RBFOX1: variants seen among roughly 807,000 people sequenced by gnomAD.
RBFOX1 encodes the protein RNA binding protein fox-1 homolog 1.
A neutral mutation model predicts 57.7 loss-of-function variants in RBFOX1; 8 were observed. The observed-to-expected ratio is 0.14, with a 90% CI of 0.08 to 0.25. The LOEUF (loss-of-function observed/expected upper bound fraction) is 0.25, where lower values mean the gene tolerates loss of function less well. Among genes scored for constraint, RBFOX1 ranks in the 10% least tolerant of loss-of-function variants. RBFOX1 has a pLI of 1.00. For missense variants in RBFOX1, 611 were observed against 548.5 expected, an observed-to-expected ratio of 1.11 and a Z score of -1.14; for synonymous variants, 326 against 222.4, an observed-to-expected ratio of 1.47 and a Z score of -4.15.
At chr16:5,268,422 G>A (rs1040582403) in intron 1 of RBFOX1, among the ~76,000 whole-genome samples, 1 of 152,224 alleles carries the variant, frequency 6.6e-6, no homozygotes. Flanking sequence ...TTAGTCAAGA[G>A]TTAGGATTTC....
At chr16:6,890,696 T>A (rs567346320) in intron 3 of RBFOX1, among the ~76,000 whole-genome samples, 5 of 152,348 alleles carry the variant, frequency 3.3e-5, no homozygotes, top group African/African-American at 1.2e-4. Context: ...TTCCTGGGAT[T>A]TCCGTATGAA....
chr16:7,519,859 A>T, intron 5 of RBFOX1: 1 of 426,262 alleles, frequency 2.3e-6, no homozygotes. Flanking sequence ...ATTCATTTGG[A>T]GGCTAGTTTT....
At position 5,252,991 on chromosome 16, in the gene RBFOX1, G is replaced by GC. The variant is rs145399435; in HGVS notation, c.219+12888dup. Among the ~76,000 whole-genome samples, 288 of 152,274 alleles carry GC rather than the reference G, an allele frequency of 1.9e-3. 3 individuals are homozygous for GC. Among genetic ancestry groups the GC allele is most frequent in the East Asian group, 0.018 (94 of 5,180 alleles). ...CGCAGCCAATTGTCTTGGATCCACC[G>GC]CCGGTGTGCCTGATTCATCAGCGTG... On this transcript the variant is annotated intron_variant, in intron 1 of 2. Coordinates refer to the RBFOX1 transcript ENST00000585867.
intron 3 of RBFOX1, among the ~76,000 whole-genome samples, chr16:6,788,258 C>T (rs1208542165): frequency 6.6e-6 from 1 of 152,008 alleles, no homozygotes; most frequent in African/African-American, 2.4e-5. Flanking sequence ...ATGAGGTCTG[C>T]TGCATCATAC....
chr16:7,062,922 T>A (rs1164715514), intron 4 of RBFOX1, among the ~76,000 whole-genome samples: 5 of 120,504 alleles, frequency 4.1e-5, no homozygotes, highest in African/African-American at 1.4e-4. Flanking sequence ...TTTTTTTTTT[T>A]TTTTTTGCTG....
chr16:6,899,057 T>G (rs183047677), intron 3 of RBFOX1, among the ~76,000 whole-genome samples: 1 of 151,200 alleles, frequency 6.6e-6, no homozygotes, highest in Non-Finnish European at 1.5e-5. Flanking sequence ...TGTGTATGTA[T>G]AATACATGTA....
At chr16:5,651,388 A>C (rs1421676334) in intron 3 of RBFOX1, among the ~76,000 whole-genome samples, 1 of 152,064 alleles carries the variant, frequency 6.6e-6, no homozygotes, top group African/African-American at 2.4e-5. Flanking sequence ...TTCCTGGAGC[A>C]ACCTGCAGAA....
chr16:5,454,853 CT>C lies in RBFOX1; in HGVS notation c.220-12359del, dbSNP rs1387254664. On this transcript the variant is annotated intron_variant, in intron 1 of 2. Coordinates refer to the RBFOX1 transcript ENST00000585867. ...CTTGCTTTCTTTCCTTTCTTTCTTT[CT>C]TTTCTTTCTTTCTTTCTTTCTTTCT... 3.7e-3 allele frequency among the ~76,000 whole-genome samples: 238 copies of C among 64,932 alleles called. 1 individual carries two copies. The highest frequency in any genetic ancestry group is 4.8e-3 in the African/African-American group (67 of 14,070). 42.6% of individuals were successfully genotyped at this position (64,932 alleles called of 152,430 possible).
chr16:6,483,079 C>A, intron 2 of RBFOX1: 2 of 960,326 alleles, frequency 2.1e-6, no homozygotes, highest in Non-Finnish European at 2.5e-6. Context: ...TTTGCAAGTG[C>A]CTCCGACCCG....
chr16:7,205,784 G>C (rs28366469), intron 4 of RBFOX1, among the ~76,000 whole-genome samples: 6,465 of 152,328 alleles, frequency 0.042, 438 homozygotes, highest in African/African-American at 0.15. Flanking sequence ...AGGGACTGCA[G>C]TGATTATCTG....
At chr16:6,204,914 G>C (rs2097243963) in intron 1 of RBFOX1, among the ~76,000 whole-genome samples, 1 of 152,104 alleles carries the variant, frequency 6.6e-6, no homozygotes, top group African/African-American at 2.4e-5. Flanking sequence ...ACACGATTAA[G>C]TTTTGACCCC....
intron 3 of RBFOX1, among the ~76,000 whole-genome samples, chr16:5,609,087 T>G (rs146483809): frequency 2.0e-5 from 3 of 151,982 alleles, no homozygotes; most frequent in Non-Finnish European, 4.4e-5. Flanking sequence ...TGTAAGGGAG[T>G]TCAATATTCT....
chr16:7,043,256 G>C (rs917017860), intron 3 of RBFOX1, among the ~76,000 whole-genome samples: 1 of 152,110 alleles, frequency 6.6e-6, no homozygotes, highest in African/African-American at 2.4e-5. Context: ...AGCACCCCTG[G>C]AACCCTGTTT....
chr16:6,785,228 C>A (rs1405667698), intron 3 of RBFOX1, among the ~76,000 whole-genome samples: 2 of 152,004 alleles, frequency 1.3e-5, no homozygotes, highest in East Asian at 1.9e-4. Context: ...AGGGAATCTC[C>A]CAGTCCGTTC....
intron 4 of RBFOX1, among the ~76,000 whole-genome samples, chr16:7,244,492 C>A (rs12922713): frequency 0.042 from 6,400 of 152,146 alleles, 147 homozygotes; most frequent in South Asian, 0.057. Flanking sequence ...ATTCAGTTTT[C>A]TTAAGTAAGA....
intron 1 of RBFOX1, among the ~76,000 whole-genome samples, chr16:6,066,641 A>G (rs1273604098): frequency 6.6e-6 from 1 of 152,168 alleles, no homozygotes; most frequent in African/African-American, 2.4e-5. Context: ...TTGGATTCTC[A>G]GGATAGCTGA....
At chr16:5,833,287 A>G (rs931608631) in intron 3 of RBFOX1, among the ~76,000 whole-genome samples, 2 of 152,066 alleles carry the variant, frequency 1.3e-5, no homozygotes, top group Non-Finnish European at 2.9e-5. Context: ...AGGTCAGGAG[A>G]TCGAGACCAT....
At chr16:5,632,257 C>G (rs571944554) in intron 3 of RBFOX1, among the ~76,000 whole-genome samples, 2 of 152,188 alleles carry the variant, frequency 1.3e-5, no homozygotes, top group Admixed American at 6.5e-5. Context: ...GTCTGATGAA[C>G]GAGAGTAAGG....
At chr16:5,293,572 A>T (rs1219055131) in intron 1 of RBFOX1, among the ~76,000 whole-genome samples, 3 of 152,194 alleles carry the variant, frequency 2.0e-5, no homozygotes, top group African/African-American at 4.8e-5. Context: ...GTAGGCACCA[A>T]TACTTCCATT....
Sources: allele counts gnomAD v4.1 joint callset (sites outside exome capture counted in the v4.1 genomes callset), GRCh38; gene constraint gnomAD v4.1.1; transcripts MANE v1.5; gene names NCBI Gene and HGNC (gene_info 2026-07-23, HGNC 2026-07-21).